MUSK: variants seen among roughly 807,000 people sequenced by gnomAD.
The protein encoded by MUSK is muscle associated receptor tyrosine kinase, also known as muscle, skeletal receptor tyrosine-protein kinase.
MUSK carries 55 observed loss-of-function variants against 88.7 expected under a neutral mutation model. The observed-to-expected ratio is 0.62, with a 90% confidence interval of 0.50 to 0.78. The LOEUF is 0.78. Among genes scored for constraint, MUSK ranks in the 30% least tolerant of loss-of-function variants. The probability of loss-of-function intolerance (pLI) is 0.00; values close to 1 mark genes in which losing one functional copy is unlikely to be tolerated. For missense variants in MUSK, 1,015 were observed against 1,074.3 expected (o/e 0.94, Z 0.77); for synonymous variants, 387 against 391.9 (o/e 0.99, Z 0.15).
At position 110,804,894 on chromosome 9, in the gene MUSK, A is replaced by C. The variant is rs543563205; in HGVS notation, c.*3906A>C. ...GGTTGGTAGGTAAATAGATAGATAG[A>C]TGATACATAGAGAGAGATAGATAGA... On this transcript the variant is annotated 3_prime_UTR_variant, in exon 15 of 15. Coordinates refer to ENST00000374448, the MANE Select transcript of MUSK (RefSeq NM_005592.4). Among the ~76,000 whole-genome samples, 2 of 151,948 alleles carry C rather than the reference A, an allele frequency of 1.3e-5. No individual in the cohort carries two copies. Among genetic ancestry groups the C allele is most frequent in the African/African-American group, 4.8e-5 (2 of 41,448 alleles).
intron 3 of MUSK, among the ~76,000 whole-genome samples, chr9:110,690,231 T>C (rs1587907663): frequency 1.2e-5 from 1 of 84,924 alleles, no homozygotes; most frequent in African/African-American, 5.3e-5. Flanking sequence ...TATAAATATA[T>C]ATTTAAGTAT....
chr9:110,759,636 C>G (rs763951231), intron 7 of MUSK, among the ~76,000 whole-genome samples: 12 of 152,124 alleles, frequency 7.9e-5, no homozygotes, highest in Non-Finnish European at 1.6e-4. Flanking sequence ...AAAAAACAAA[C>G]AACCTCATTT....
At chr9:110,765,600 G>A (rs759140349) in intron 8 of MUSK, among the ~76,000 whole-genome samples, 1 of 152,080 alleles carries the variant, frequency 6.6e-6, no homozygotes, top group Non-Finnish European at 1.5e-5. Flanking sequence ...CTGAGACAGA[G>A]TCTCGCTCTG....
intron 1 of MUSK, among the ~76,000 whole-genome samples, chr9:110,671,866 A>C (rs1282275140): frequency 6.6e-6 from 1 of 152,242 alleles, no homozygotes; most frequent in Non-Finnish European, 1.5e-5. Flanking sequence ...CTTAATATGC[A>C]CAAAGAACTA....
chr9:110,735,288 C>T (rs998193439), intron 6 of MUSK, among the ~76,000 whole-genome samples: 22 of 151,946 alleles, frequency 1.4e-4, no homozygotes, highest in Non-Finnish European at 3.2e-4. Context: ...TTCACAATAA[C>T]CAAGATATAG....
chr9:110,724,579 T>C, intron 5 of MUSK, among the ~76,000 whole-genome samples: 1 of 152,044 alleles, frequency 6.6e-6, no homozygotes, highest in African/African-American at 2.4e-5. Flanking sequence ...TCTCATATAG[T>C]ACACTTCTAG....
At chr9:110,710,542 G>C (rs770619915) in intron 5 of MUSK, among the ~76,000 whole-genome samples, 18 of 152,012 alleles carry the variant, frequency 1.2e-4, no homozygotes, top group Admixed American at 5.2e-4. Context: ...TGCTCATCTG[G>C]TCTCCAAAGA....
chr9:110,699,512 C>T (rs2076474245), intron 5 of MUSK, among the ~76,000 whole-genome samples: 1 of 152,114 alleles, frequency 6.6e-6, no homozygotes. Flanking sequence ...GCTCTGGAAG[C>T]TCTGAAAGGT....
intron 7 of MUSK, among the ~76,000 whole-genome samples, chr9:110,759,301 C>T (rs2077367720): frequency 6.6e-6 from 1 of 152,110 alleles, no homozygotes; most frequent in Non-Finnish European, 1.5e-5. Context: ...AAGCTGGATC[C>T]CTTCCTTACA....
At chr9:110,713,810 C>T (rs1240222868) in intron 5 of MUSK, among the ~76,000 whole-genome samples, 1 of 152,102 alleles carries the variant, frequency 6.6e-6, no homozygotes, top group African/African-American at 2.4e-5. Flanking sequence ...TCTTAATAGA[C>T]CTCAGCTCGT....
At chr9:110,723,234 T>TAC (rs143582345) in intron 5 of MUSK, among the ~76,000 whole-genome samples, 25,977 of 146,562 alleles carry the variant, frequency 0.18, 2,332 homozygotes, top group East Asian at 0.23. Context: ...TACATATACA[T>TAC]ACACACACAC....
intron 3 of MUSK, among the ~76,000 whole-genome samples, chr9:110,689,439 A>C (rs1219349882): frequency 9.1e-6 from 1 of 109,734 alleles, no homozygotes; most frequent in East Asian, 2.5e-4. Context: ...AAAAAATATT[A>C]AAATATGTAA....
intron 5 of MUSK, among the ~76,000 whole-genome samples, chr9:110,705,055 T>C (rs1457458818): frequency 6.6e-6 from 1 of 151,802 alleles, no homozygotes; most frequent in Non-Finnish European, 1.5e-5. Flanking sequence ...TGTAGGCCTA[T>C]ACTTTTTGCA....
At chr9:110,721,491 T>G (rs548752013) in intron 5 of MUSK, among the ~76,000 whole-genome samples, 37 of 152,138 alleles carry the variant, frequency 2.4e-4, no homozygotes, top group African/African-American at 8.7e-4. Flanking sequence ...GCTTTTACAA[T>G]AGCTACAAAA....
At position 110,695,395 on chromosome 9, in the gene MUSK, CT is replaced by C; in HGVS notation, c.359-3del. The C allele has an allele frequency of 6.8e-7, 1 of 1,468,378 alleles. No individual in the cohort carries two copies. Among genetic ancestry groups the C allele is most frequent in the Non-Finnish European group, 9.2e-7 (1 of 1,091,490 alleles). 91.0% of individuals were successfully genotyped at this position (1,468,378 alleles called of 1,614,324 possible). ...CCTTATTTATTTTGAATTTTCATTT[CT>C]TTTTAGAACCTAAAATAACTCGTCC... On this transcript the variant is annotated splice_region_variant and splice_polypyrimidine_tract_variant and intron_variant, in intron 3 of 14. Coordinates refer to ENST00000374448, the MANE Select transcript of MUSK (RefSeq NM_005592.4).
At chr9:110,781,492 G>A (rs868368869) in intron 11 of MUSK, among the ~76,000 whole-genome samples, 1 of 152,132 alleles carries the variant, frequency 6.6e-6, no homozygotes, top group African/African-American at 2.4e-5. Flanking sequence ...TAGCCAGGAT[G>A]GTCTCGATCT....
chr9:110,685,962 C>A (rs912644031), intron 2 of MUSK, among the ~76,000 whole-genome samples: 62 of 152,188 alleles, frequency 4.1e-4, no homozygotes, highest in African/African-American at 1.5e-3. Context: ...GTACCAAAAC[C>A]TGTATTTATT....
chr9:110,715,347 A>G, intron 5 of MUSK, among the ~76,000 whole-genome samples: 1 of 149,790 alleles, frequency 6.7e-6, no homozygotes, highest in Middle Eastern at 3.4e-3. Flanking sequence ...TTTTCTGGAT[A>G]AAAAACCTGA....
At chr9:110,690,745 A>T (rs868377817) in intron 3 of MUSK, among the ~76,000 whole-genome samples, 3 of 51,064 alleles carry the variant, frequency 5.9e-5, no homozygotes, top group South Asian at 9.4e-4. Flanking sequence ...TATATATTTA[A>T]ATATAAGTAT....
Sources: allele counts gnomAD v4.1 joint callset (sites outside exome capture counted in the v4.1 genomes callset), GRCh38; gene constraint gnomAD v4.1.1; transcripts MANE v1.5; gene names NCBI Gene and HGNC (gene_info 2026-07-23, HGNC 2026-07-21).